PPP4R2: variants seen among roughly 807,000 people sequenced by gnomAD.
The protein encoded by PPP4R2 is serine/threonine-protein phosphatase 4 regulatory subunit 2.
In PPP4R2, 13 loss-of-function variants were observed where a neutral mutation model predicts 47.2. The ratio of observed to expected loss-of-function variants is 0.28; its 90% CI spans 0.18 to 0.44. The LOEUF (loss-of-function observed/expected upper bound fraction) is 0.44. Ranked by LOEUF, PPP4R2 falls within the 20% of genes least tolerant of loss-of-function variation. The pLI, the probability that PPP4R2 is intolerant of heterozygous loss-of-function variation, is 1.00. For missense variants in PPP4R2, 421 were observed against 491.2 expected (o/e 0.86, Z 1.35); for synonymous variants, 151 against 163.3 (o/e 0.92, Z 0.57).
intron 2 of PPP4R2, among the ~76,000 whole-genome samples, chr3:73,032,613 T>G (rs1702187631): frequency 6.6e-6 from 1 of 152,178 alleles, no homozygotes; most frequent in Non-Finnish European, 1.5e-5. Context: ...AGGTACAGTC[T>G]TTTTACTAGT....
intron 3 of PPP4R2, 83 bp from the exon 4 acceptor site, chr3:73,058,954 A>T: frequency 1.2e-6 from 1 of 815,800 alleles, no homozygotes; most frequent in Non-Finnish European, 2.0e-6. Flanking sequence ...GACTAGATAC[A>T]GCTTTACCTA....
At chr3:73,026,903 C>T (rs6778819) in intron 2 of PPP4R2, among the ~76,000 whole-genome samples, 80,491 of 151,874 alleles carry the variant, frequency 0.53, 21,691 homozygotes, top group African/African-American at 0.62. Context: ...GTTGAAATCC[C>T]AGCCCTGTTA....
chr3:73,058,887 G>T (rs1384047373), intron 3 of PPP4R2, 150 bp from the exon 4 acceptor site: 2 of 261,154 alleles, frequency 7.7e-6, no homozygotes. Flanking sequence ...TTTTTTAAAT[G>T]ACTCATCCAT....
chr3:73,039,486 T>A (rs1205433481), intron 2 of PPP4R2, among the ~76,000 whole-genome samples: 1 of 152,234 alleles, frequency 6.6e-6, no homozygotes, highest in Non-Finnish European at 1.5e-5. Flanking sequence ...ATTCTGTTCA[T>A]AATTGTATCA....
chr3:73,059,542 AT>A, intron 4 of PPP4R2, among the ~76,000 whole-genome samples: 1 of 152,178 alleles, frequency 6.6e-6, no homozygotes. Flanking sequence ...TAAATGAGGT[AT>A]TGAGTAGAAA....
At chr3:73,061,121 C>T (rs937391437) in intron 5 of PPP4R2, 61 bp downstream of exon 5, 17 of 736,268 alleles carry the variant, frequency 2.3e-5, no homozygotes, top group Non-Finnish European at 1.2e-5. Flanking sequence ...TTTATTGCTT[C>T]TAATATATTA....
intron 2 of PPP4R2, among the ~76,000 whole-genome samples, chr3:73,011,029 G>A (rs902149477): frequency 7.0e-6 from 1 of 143,606 alleles, no homozygotes; most frequent in African/African-American, 2.6e-5. Context: ...GTACAGCTAA[G>A]TAATGGAACT....
intron 2 of PPP4R2, among the ~76,000 whole-genome samples, chr3:73,021,906 T>A (rs150400432): frequency 0.017 from 2,085 of 120,242 alleles, 22 homozygotes; most frequent in Middle Eastern, 0.025. Flanking sequence ...ATATATTTTT[T>A]TTTTTTTTTT....
intron 2 of PPP4R2, among the ~76,000 whole-genome samples, chr3:73,007,260 A>G (rs1165993498): frequency 1.3e-5 from 2 of 152,160 alleles, no homozygotes; most frequent in African/African-American, 2.4e-5. Context: ...GATAATGCAT[A>G]TTTTGATTCT....
At chr3:73,012,311 T>C (rs906556229) in intron 2 of PPP4R2, among the ~76,000 whole-genome samples, 5 of 152,220 alleles carry the variant, frequency 3.3e-5, no homozygotes, top group African/African-American at 9.6e-5. Context: ...TCTCCTTCTT[T>C]TTTTTTGAGA....
chr3:73,050,985 G>T (rs543372308), intron 3 of PPP4R2, among the ~76,000 whole-genome samples: 65 of 152,250 alleles, frequency 4.3e-4, no homozygotes, highest in Admixed American at 1.2e-3. Context: ...AACGATCTCG[G>T]CTCACCACAT....
At chr3:73,022,449 G>T (rs1037885731) in intron 2 of PPP4R2, among the ~76,000 whole-genome samples, 2 of 152,170 alleles carry the variant, frequency 1.3e-5, no homozygotes, top group African/African-American at 4.8e-5. Context: ...GAAAGTTACA[G>T]TGTCAAGTGA....
At chr3:73,011,228 G>T (rs1172631593) in intron 2 of PPP4R2, among the ~76,000 whole-genome samples, 2 of 152,044 alleles carry the variant, frequency 1.3e-5, no homozygotes, top group Non-Finnish European at 1.5e-5. Context: ...GCCTGTAATC[G>T]CAGCACTTTG....
intron 4 of PPP4R2, among the ~76,000 whole-genome samples, chr3:73,059,603 G>GT (rs889041538): frequency 6.6e-6 from 1 of 152,134 alleles, no homozygotes; most frequent in African/African-American, 2.4e-5. Flanking sequence ...TGTGGAGGGG[G>GT]TTGAGGGAGT....
At chr3:73,039,539 G>A (rs9870081) in intron 2 of PPP4R2, among the ~76,000 whole-genome samples, 80,235 of 152,028 alleles carry the variant, frequency 0.53, 21,535 homozygotes, top group African/African-American at 0.62. Flanking sequence ...GCAAAAGACA[G>A]ATAATTTTAG....
At position 73,063,984 on chromosome 3, in the gene PPP4R2, T is replaced by C. The variant is rs774537822; in HGVS notation, c.495-19T>C. On this transcript the variant is annotated intron_variant, in intron 6 of 8. Transcript: ENST00000356692. ...CTTTTTATAAAAATAGGAAATGATG[T>C]TCATTTATCTTATTATAGGTCTAAT... The C allele has an allele frequency of 3.8e-6, 6 of 1,563,994 alleles. No homozygotes were observed. Among genetic ancestry groups the C allele is most frequent in the Non-Finnish European group, 4.3e-6 (5 of 1,158,046 alleles).
intron 3 of PPP4R2, among the ~76,000 whole-genome samples, chr3:73,057,599 T>G (rs1234771911): frequency 6.6e-6 from 1 of 152,140 alleles, no homozygotes; most frequent in East Asian, 1.9e-4. Context: ...ACTCTCAAAT[T>G]TATCTAAAAA....
rs572056465 is a variant in PPP4R2 at position 73,068,763 on chromosome 3, T to C, written c.*3041T>C. On this transcript the variant is annotated 3_prime_UTR_variant, in exon 9 of 9. Transcript: ENST00000356692. ...AAATAATGTAAATGTAATATACTAGTTTACTTAAAGGTACTTGGGCAGAAT... is the reference window on the plus strand; with the variant it reads ...AAATAATGTAAATGTAATATACTAGCTTACTTAAAGGTACTTGGGCAGAAT... 6.6e-6 allele frequency: 1 copy of C among 152,360 alleles called. No individual in the cohort carries two copies. The highest frequency in any genetic ancestry group is 2.1e-4 in the South Asian group (1 of 4,832). The allele number at this position is 152,360 out of a possible 1,614,324, so 9.4% of individuals were successfully genotyped here.
chr3:73,019,228 G>C (rs1364413331), intron 2 of PPP4R2, among the ~76,000 whole-genome samples: 1 of 152,018 alleles, frequency 6.6e-6, no homozygotes, highest in Non-Finnish European at 1.5e-5. Context: ...TATACCATGT[G>C]GGTTTGTGTA....
Sources: gnomAD v4.1 joint callset for allele counts (sites outside exome capture counted in the v4.1 genomes callset) on GRCh38, gnomAD v4.1.1 for gene constraint, MANE v1.5 for transcripts, NCBI Gene and HGNC (gene_info 2026-07-23, HGNC 2026-07-21) for gene names.